The following TBC1D12 variants were observed in gnomAD, a reference collection of about 807,000 sequenced individuals.
TBC1D12 encodes TBC1 domain family member 12, also known as TBC1 domain family, member 12.
In TBC1D12, 56 loss-of-function variants were observed where a neutral mutation model predicts 86.7. The observed-to-expected ratio is 0.65, with a 90% confidence interval of 0.52 to 0.81. The LOEUF is 0.81. Among genes scored for constraint, TBC1D12 ranks in the 30% least tolerant of loss-of-function variants. The pLI is 0.00. For synonymous variants in TBC1D12, 421 were observed against 411.7 expected (o/e 1.02, Z -0.27); for missense variants, 1,023 against 1,038.8 (o/e 0.98, Z 0.21).
intron 3 of TBC1D12, among the ~76,000 whole-genome samples, chr10:94,476,881 A>G (rs1055208167): frequency 3.4e-4 from 51 of 152,070 alleles, no homozygotes; most frequent in Admixed American, 3.3e-4. Context: ...TACTTACTCA[A>G]TCCTTAAGGA....
intron 6 of TBC1D12, among the ~76,000 whole-genome samples, chr10:94,501,037 A>G (rs1189588628): frequency 6.9e-6 from 1 of 144,958 alleles, no homozygotes. Flanking sequence ...GCCTGGGCAA[A>G]AGAGCGAGAC....
chr10:94,507,137 T>C, intron 6 of TBC1D12, 130 bp from the exon 7 acceptor site: 3 of 806,030 alleles, frequency 3.7e-6, no homozygotes, highest in Non-Finnish European at 6.0e-6. Flanking sequence ...AGTACTTAGA[T>C]TTGCCACTTT....
At chr10:94,501,164 T>C (rs2134189722) in intron 6 of TBC1D12, among the ~76,000 whole-genome samples, 1 of 151,802 alleles carries the variant, frequency 6.6e-6, no homozygotes, top group Non-Finnish European at 1.5e-5. Context: ...AAGAAAAAAC[T>C]TTAGCCGGGC....
chr10:94,509,246 A>G, intron 7 of TBC1D12: 1 of 151,876 alleles, frequency 6.6e-6, no homozygotes, highest in Non-Finnish European at 1.5e-5. Flanking sequence ...CTGGGATTAC[A>G]GGTGCGCTCC....
intron 2 of TBC1D12, among the ~76,000 whole-genome samples, chr10:94,458,637 C>T (rs1202578182): frequency 6.6e-6 from 1 of 152,050 alleles, no homozygotes; most frequent in African/African-American, 2.4e-5. Context: ...CCGGAATTTG[C>T]TCCTTCTGAT....
intron 1 of TBC1D12, among the ~76,000 whole-genome samples, chr10:94,410,048 A>C (rs929817497): frequency 5.3e-5 from 8 of 152,156 alleles, no homozygotes; most frequent in African/African-American, 1.4e-4. Flanking sequence ...TTTAAGTGAA[A>C]GTTTTTACTT....
intron 3 of TBC1D12, among the ~76,000 whole-genome samples, chr10:94,477,168 G>A (rs554896203): frequency 3.3e-5 from 5 of 151,902 alleles, no homozygotes; most frequent in Non-Finnish European, 7.4e-5. Flanking sequence ...TTCTGTTTCT[G>A]TGTGTTTGCT....
intron 11 of TBC1D12, among the ~76,000 whole-genome samples, chr10:94,525,284 C>G (rs1342029015): frequency 1.3e-5 from 2 of 152,014 alleles, no homozygotes; most frequent in African/African-American, 4.8e-5. Flanking sequence ...CATTGCTGTT[C>G]AAGTATTATA....
chr10:94,447,597 A>G, intron 2 of TBC1D12: 1 of 984,758 alleles, frequency 1.0e-6, no homozygotes, highest in Non-Finnish European at 1.2e-6. Flanking sequence ...CATTCCTAGT[A>G]TTACTTTTTG....
At chr10:94,482,001 T>C (rs1001541972) in intron 3 of TBC1D12, among the ~76,000 whole-genome samples, 2 of 152,246 alleles carry the variant, frequency 1.3e-5, no homozygotes, top group Non-Finnish European at 2.9e-5. Flanking sequence ...GTTTTTCTTT[T>C]TGTTTTCCAA....
At chr10:94,491,407 T>G (rs1050975109) in intron 3 of TBC1D12, among the ~76,000 whole-genome samples, 2 of 152,222 alleles carry the variant, frequency 1.3e-5, no homozygotes, top group Non-Finnish European at 2.9e-5. Flanking sequence ...ATGATTATAT[T>G]TGGATAAGTG....
chr10:94,487,930 G>A (rs1018824828), intron 3 of TBC1D12, among the ~76,000 whole-genome samples: 5 of 151,314 alleles, frequency 3.3e-5, no homozygotes, highest in Admixed American at 6.6e-5. Context: ...TTGAACTCTT[G>A]GGCATGAGCA....
At chr10:94,481,704 G>A (rs1311959174) in intron 3 of TBC1D12, among the ~76,000 whole-genome samples, 3 of 151,866 alleles carry the variant, frequency 2.0e-5, no homozygotes, top group African/African-American at 4.8e-5. Flanking sequence ...TCATTGATTA[G>A]CACTTTTAAT....
At chr10:94,532,890 G>T in intron 12 of TBC1D12, 138 bp from the exon 13 acceptor site, 1 of 502,628 alleles carries the variant, frequency 2.0e-6, no homozygotes, top group South Asian at 3.1e-5. Context: ...AAATAAAGGG[G>T]ATTTGAGAAT....
At chr10:94,456,680 A>T (rs1314217796) in intron 2 of TBC1D12, among the ~76,000 whole-genome samples, 1 of 152,218 alleles carries the variant, frequency 6.6e-6, no homozygotes, top group Non-Finnish European at 1.5e-5. Flanking sequence ...TGTCAATTAC[A>T]TCCAGTTGAC....
At chr10:94,527,503 T>TGG (rs1842325673) in intron 11 of TBC1D12, among the ~76,000 whole-genome samples, 1 of 151,274 alleles carries the variant, frequency 6.6e-6, no homozygotes, top group Non-Finnish European at 1.5e-5. Flanking sequence ...CTGTGGGGTT[T>TGG]TTTTTTTTAT....
chr10:94,518,139 G>A (rs1196951093), intron 9 of TBC1D12, among the ~76,000 whole-genome samples: 1 of 152,074 alleles, frequency 6.6e-6, no homozygotes, highest in Non-Finnish European at 1.5e-5. Context: ...GCGTGATGGA[G>A]CTCTGTACTG....
Position 94,497,169 on chromosome 10 carries a change from T to G in TBC1D12, c.1409T>G (p.Val470Gly). The change falls in exon 5 of 13, where the codon GTA becomes GGA. Residue 470 changes from valine to glycine, a missense_variant. By Grantham distance (109) the Val-to-Gly change is moderately radical. Coordinates refer to ENST00000225235, the MANE Select transcript of TBC1D12 (RefSeq NM_015188.2). ...WINEILPNWE[V>G]MRSTRRVREL... ...AATGAAATACTGCCCAATTGGGAAG[T>G]AATGTAAGTAAGCAGACTTTTCCTA... 1 of 1,517,030 alleles carries G rather than the reference T, an allele frequency of 6.6e-7. No homozygotes were observed. The highest frequency in any genetic ancestry group is 8.8e-7 in the Non-Finnish European group (1 of 1,134,944). The allele number at this position is 1,517,030 out of a possible 1,614,324, so 94.0% of individuals were successfully genotyped here.
In TBC1D12 at chr10:94,431,915, G is replaced by A. The variant is rs185728319; in HGVS notation, c.972-9981G>A. Reference sequence around the variant, plus strand: ...TTTCTGCTTCCCCTCCCTTCAACACGAACAACATAGCACAAGAGTGACCCC... The same window carrying A: ...TTTCTGCTTCCCCTCCCTTCAACACAAACAACATAGCACAAGAGTGACCCC... On this transcript the variant is annotated intron_variant, in intron 1 of 12. Coordinates refer to ENST00000225235, the MANE Select transcript of TBC1D12 (RefSeq NM_015188.2). Among the ~76,000 whole-genome samples the A allele has an allele frequency of 2.0e-3, 308 of 152,130 alleles. 1 individual carries two copies. The highest frequency in any genetic ancestry group is 2.8e-3 in the Non-Finnish European group (190 of 67,988).
Sources: allele counts gnomAD v4.1 joint callset (sites outside exome capture counted in the v4.1 genomes callset), GRCh38; gene constraint gnomAD v4.1.1; transcripts MANE v1.5; gene names NCBI Gene and HGNC (gene_info 2026-07-23, HGNC 2026-07-21).